The following MEF2C variants were observed in gnomAD, a reference collection of about 807,000 sequenced individuals.
The protein encoded by MEF2C is myocyte enhancer factor 2C.
A neutral mutation model predicts 50.5 loss-of-function variants in MEF2C; 6 were observed. The ratio of observed to expected loss-of-function variants is 0.12; its 90% confidence interval spans 0.07 to 0.23. The LOEUF (loss-of-function observed/expected upper bound fraction) is 0.23. Among genes scored for constraint, MEF2C ranks in the 10% least tolerant of loss-of-function variants. The probability of loss-of-function intolerance (pLI) is 1.00; values close to 1 mark genes in which losing one functional copy is unlikely to be tolerated. For missense variants in MEF2C, 276 were observed against 605.0 expected, an observed-to-expected ratio of 0.46 and a Z score of 5.70; for synonymous variants, 183 against 228.0, an observed-to-expected ratio of 0.80 and a Z score of 1.78.
Position 88,722,121 on chromosome 5 carries a change from T to TGTA in MEF2C, c.*482_*483insTAC. The TGTA allele has an allele frequency of 1.3e-5, 2 of 154,564 alleles. No homozygotes were observed. Among genetic ancestry groups the TGTA allele is most frequent in the Admixed American group, 6.4e-5 (1 of 15,660 alleles). The allele number at this position is 154,564 out of a possible 1,614,324, so 9.6% of individuals were successfully genotyped here. On this transcript the variant is annotated 3_prime_UTR_variant, in exon 11 of 11. Transcript: ENST00000504921. ...TTGTGAGCATTCTTGGGATGTCAGG[T>TGTA]GACCTGGTGTGTTCCTAACATTTAC...
intron 1 of MEF2C, chr5:88,839,351 C>CTCTCTATCTATCTA (rs10694803): frequency 3.4e-5 from 5 of 146,298 alleles, no homozygotes; most frequent in African/African-American, 1.3e-4. Flanking sequence ...CTCTCTCTCT[C>CTCTCTATCTATCTA]TCTATCTATC....
intron 2 of MEF2C, 54 bp downstream of exon 2, chr5:88,823,681 G>T: frequency 6.8e-7 from 1 of 1,478,130 alleles, no homozygotes; most frequent in Non-Finnish European, 9.3e-7. Flanking sequence ...CTTAACATAT[G>T]TGGAGAAAAT....
chr5:88,885,947 ATAAT>A (rs1173154065), upstream of MEF2C, among the ~76,000 whole-genome samples: 2 of 152,180 alleles, frequency 1.3e-5, no homozygotes. Flanking sequence ...CATATTTTAA[ATAAT>A]TATTTAATAA....
Position 88,718,561 on chromosome 5 carries a change from C to G in MEF2C, c.*4043G>C, listed in dbSNP as rs1465087122. The G allele has an allele frequency of 6.6e-6, 1 of 152,182 alleles. No individual in the cohort carries two copies. Among genetic ancestry groups the G allele is most frequent in the Non-Finnish European group, 1.5e-5 (1 of 68,028 alleles). 9.4% of individuals were successfully genotyped at this position (152,182 alleles called of 1,614,324 possible). ...GAAAAGAAAAAGAAGAAAAATGATA[C>G]AGCAAACCATCTGAAGCAATCCAAG... On this transcript the variant is annotated 3_prime_UTR_variant, in exon 11 of 11. Coordinates refer to ENST00000504921, the MANE Select transcript of MEF2C (RefSeq NM_002397.5).
In MEF2C at chr5:88,860,806, A is replaced by G. The variant is rs912361984; in HGVS notation, c.-143+22149T>C. Among the ~76,000 whole-genome samples the G allele has an allele frequency of 7.3e-5, 11 of 150,502 alleles. 1 individual carries two copies. The highest frequency in any genetic ancestry group is 6.6e-4 in the Admixed American group (10 of 15,046). On this transcript the variant is annotated intron_variant, in intron 1 of 10. Transcript: ENST00000504921. ...GGGTTTCACTGACTACACATTGGAG[A>G]AAAAAAAAATGTTCTTCAAGGGATT...
intron 3 of MEF2C, chr5:88,766,758 A>T (rs1451695481): frequency 1.0e-6 from 1 of 985,340 alleles, no homozygotes; most frequent in Non-Finnish European, 1.2e-6. Flanking sequence ...TCTTTACTTC[A>T]GAGGGTTGAT....
chr5:88,771,539 A>G, intron 3 of MEF2C: 1 of 985,366 alleles, frequency 1.0e-6, no homozygotes, highest in Non-Finnish European at 1.2e-6. Flanking sequence ...ATTTTTTAAC[A>G]TGTCTGCTTC....
chr5:88,811,378 A>C (rs1802730683), intron 2 of MEF2C, among the ~76,000 whole-genome samples: 1 of 152,162 alleles, frequency 6.6e-6, no homozygotes, highest in Non-Finnish European at 1.5e-5. Context: ...AGAACTTCCC[A>C]CCAAGCAGGA....
chr5:88,803,126 C>A (rs1207357777), intron 3 of MEF2C, among the ~76,000 whole-genome samples: 1 of 152,172 alleles, frequency 6.6e-6, no homozygotes, highest in Non-Finnish European at 1.5e-5. Flanking sequence ...AAATAAAAAA[C>A]TATCTGAAAT....
intron 3 of MEF2C, among the ~76,000 whole-genome samples, chr5:88,791,368 T>A (rs1270459783): frequency 6.6e-6 from 1 of 152,164 alleles, no homozygotes; most frequent in East Asian, 1.9e-4. Context: ...AAAATGGTAA[T>A]GATTAATATT....
At chr5:88,786,800 C>T (rs1389914541) in intron 3 of MEF2C, among the ~76,000 whole-genome samples, 1 of 152,184 alleles carries the variant, frequency 6.6e-6, no homozygotes. Flanking sequence ...ATTGGCTTAG[C>T]ATATCAAATT....
chr5:88,791,750 C>A (rs562667869), intron 3 of MEF2C, among the ~76,000 whole-genome samples: 1 of 151,992 alleles, frequency 6.6e-6, no homozygotes, highest in Non-Finnish European at 1.5e-5. Flanking sequence ...TTCTTTAAGA[C>A]TTTGGGGAAC....
intron 1 of MEF2C, among the ~76,000 whole-genome samples, chr5:88,834,931 T>A (rs770854415): frequency 3.2e-4 from 48 of 152,216 alleles, no homozygotes; most frequent in Non-Finnish European, 1.2e-4. Flanking sequence ...ACACTAATTG[T>A]GTAAACTTGC....
At chr5:88,746,673 G>C in intron 6 of MEF2C, 1 of 985,220 alleles carries the variant, frequency 1.0e-6, no homozygotes, top group Non-Finnish European at 1.2e-6. Flanking sequence ...TTTTCCTCTG[G>C]TGTTATGTGA....
intron 4 of MEF2C, among the ~76,000 whole-genome samples, chr5:88,757,045 G>C (rs769748563): frequency 6.6e-6 from 1 of 151,794 alleles, no homozygotes; most frequent in Non-Finnish European, 1.5e-5. Flanking sequence ...ATTTAACCAA[G>C]TGCAGCCCTA....
intron 7 of MEF2C, among the ~76,000 whole-genome samples, chr5:88,730,847 G>A (rs548024193): frequency 6.6e-6 from 1 of 152,118 alleles, no homozygotes; most frequent in East Asian, 1.9e-4. Context: ...ACAGAGCAGA[G>A]AAAGAAAAAA....
chr5:88,868,710 T>C (rs1314711517), intron 1 of MEF2C, among the ~76,000 whole-genome samples: 1 of 152,170 alleles, frequency 6.6e-6, no homozygotes, highest in Non-Finnish European at 1.5e-5. Flanking sequence ...TCACCACCTA[T>C]GATTCTTGGC....
At chr5:88,722,967 T>G (rs1176834442) in intron 10 of MEF2C, 42 bp from the exon 11 acceptor site, 7 of 1,488,316 alleles carry the variant, frequency 4.7e-6, no homozygotes, top group Non-Finnish European at 5.4e-6. Context: ...GAAGGAGGCC[T>G]GGAGGCCCCA....
At chr5:88,739,152 G>A (rs1765367784) in intron 6 of MEF2C, 2 of 984,100 alleles carry the variant, frequency 2.0e-6, no homozygotes, top group African/African-American at 3.5e-5. Flanking sequence ...GCGATTAGTT[G>A]TTACCCGGGA....
Sources: allele counts gnomAD v4.1 joint callset (sites outside exome capture counted in the v4.1 genomes callset), GRCh38; gene constraint gnomAD v4.1.1; transcripts MANE v1.5; gene names NCBI Gene and HGNC (gene_info 2026-07-23, HGNC 2026-07-21).